Variants in SLC39A14 observed in about 807,000 individuals in gnomAD.
SLC39A14 encodes metal cation symporter ZIP14.
Under a neutral mutation model 45.5 loss-of-function variants are expected in SLC39A14, and 19 were observed. The observed-to-expected ratio is 0.42, with a 90% CI of 0.29 to 0.61. The LOEUF is 0.61. SLC39A14 is among the 20% of genes least tolerant of loss of function. The pLI is 0.22. For missense variants in SLC39A14, 447 were observed against 616.5 expected, an observed-to-expected ratio of 0.73 and a Z score of 2.91; for synonymous variants, 264 against 251.3, an observed-to-expected ratio of 1.05 and a Z score of -0.48.
intron 8 of SLC39A14, among the ~76,000 whole-genome samples, chr8:22,418,059 C>T (rs1312753126): frequency 2.0e-5 from 3 of 152,070 alleles, no homozygotes; most frequent in Admixed American, 6.6e-5. Flanking sequence ...TGTGCCACCA[C>T]GCCTGGCTAA....
At chr8:22,399,789 T>C (rs4871996) in intron 1 of SLC39A14, among the ~76,000 whole-genome samples, 30,458 of 152,228 alleles carry the variant, frequency 0.2, 3,442 homozygotes, top group African/African-American at 0.31. Context: ...TCGTAGATGC[T>C]CACCTCTAGG....
At chr8:22,383,278 C>G (rs1463398242) in intron 1 of SLC39A14, among the ~76,000 whole-genome samples, 1 of 152,116 alleles carries the variant, frequency 6.6e-6, no homozygotes, top group Non-Finnish European at 1.5e-5. Context: ...CCCTTCTGAT[C>G]CTTTTCTTTG....
intron 1 of SLC39A14, among the ~76,000 whole-genome samples, chr8:22,386,551 G>A (rs1586663997): frequency 6.6e-6 from 1 of 152,234 alleles, no homozygotes; most frequent in Non-Finnish European, 1.5e-5. Context: ...ACAGGCGTAA[G>A]CCACCGTGCC....
intron 3 of SLC39A14, chr8:22,410,193 G>A: frequency 2.0e-6 from 3 of 1,477,972 alleles, no homozygotes; most frequent in Non-Finnish European, 2.8e-6. Flanking sequence ...CCCCTACCCT[G>A]GGCTCCAAGG....
At chr8:22,409,767 G>A (rs1835458259) in intron 3 of SLC39A14, among the ~76,000 whole-genome samples, 1 of 152,184 alleles carries the variant, frequency 6.6e-6, no homozygotes, top group African/African-American at 2.4e-5. Flanking sequence ...AATTTTGATA[G>A]TTTCCCTAGG....
At chr8:22,405,288 G>A (rs2132311974) in intron 2 of SLC39A14, among the ~76,000 whole-genome samples, 1 of 152,304 alleles carries the variant, frequency 6.6e-6, no homozygotes, top group African/African-American at 2.4e-5. Context: ...CAAGGCGGGT[G>A]GATTATCTGA....
chr8:22,370,188 G>T (rs904622344), intron 1 of SLC39A14, among the ~76,000 whole-genome samples: 2 of 152,096 alleles, frequency 1.3e-5, no homozygotes, highest in Admixed American at 6.5e-5. Flanking sequence ...ATGTGCGTGT[G>T]CGTGTGTGTA....
chr8:22,404,165 T>G (rs1186000585), intron 1 of SLC39A14, among the ~76,000 whole-genome samples: 1 of 152,136 alleles, frequency 6.6e-6, no homozygotes, highest in Non-Finnish European at 1.5e-5. Context: ...GGCTCACGCC[T>G]GTAATTCCAG....
chr8:22,416,064 T>C lies in SLC39A14; in HGVS notation c.940-9T>C, dbSNP rs1380508908. 6.2e-7 allele frequency: 1 copy of C among 1,613,694 alleles called. No homozygotes were observed. The highest frequency in any genetic ancestry group is 1.1e-5 in the South Asian group (1 of 91,074). ...ACGCTGTGGGCCCTGGGGGTGTGCT[T>C]TCTCCTAGGACCTGCAGGCTTCCCA... is the stretch of plus-strand genomic sequence containing the variant. On this transcript the variant is annotated splice_polypyrimidine_tract_variant and intron_variant, in intron 6 of 8. Transcript: ENST00000381237.
chr8:22,412,383 A>G (rs547268599), intron 4 of SLC39A14, among the ~76,000 whole-genome samples, 177 bp downstream of exon 4: 58 of 152,358 alleles, frequency 3.8e-4, no homozygotes, highest in Admixed American at 3.8e-3. Flanking sequence ...AGCTGGGTTC[A>G]AATCTCAGCT....
intron 1 of SLC39A14, among the ~76,000 whole-genome samples, chr8:22,384,744 T>TAAAAA: frequency 8.5e-6 from 1 of 117,290 alleles, no homozygotes; most frequent in South Asian, 2.9e-4. Context: ...GAGACTGTCT[T>TAAAAA]AAAAAAAAAA....
At chr8:22,378,539 T>G (rs1304018172) in intron 1 of SLC39A14, among the ~76,000 whole-genome samples, 1 of 152,154 alleles carries the variant, frequency 6.6e-6, no homozygotes, top group Non-Finnish European at 1.5e-5. Flanking sequence ...GGCCCCCATA[T>G]TTCCTTTCCA....
chr8:22,378,256 TG>T (rs1446968115), intron 1 of SLC39A14, among the ~76,000 whole-genome samples: 1 of 152,168 alleles, frequency 6.6e-6, no homozygotes, highest in Non-Finnish European at 1.5e-5. Context: ...CAGGCAAGTG[TG>T]TTAGTATGAC....
At chr8:22,408,275 G>C (rs1413000818) in intron 2 of SLC39A14, 35 bp from the exon 3 acceptor site, 2 of 1,595,642 alleles carry the variant, frequency 1.3e-6, no homozygotes, top group Non-Finnish European at 1.7e-6. Context: ...TGACCTTTGG[G>C]GTCTAAGCGG....
intron 1 of SLC39A14, among the ~76,000 whole-genome samples, chr8:22,383,637 C>CATGCAGGGAGG: frequency 1.3e-5 from 2 of 152,066 alleles, no homozygotes; most frequent in Non-Finnish European, 2.9e-5. Context: ...GCCGTGCTGG[C>CATGCAGGGAGG]CTGCAGGGAG....
rs888460265 is a variant in SLC39A14, at chr8:22,421,565, A to G, written c.*1867A>G. 14 of 985,156 alleles carry G rather than the reference A, an allele frequency of 1.4e-5. No homozygotes were observed. Among genetic ancestry groups the G allele is most frequent in the Non-Finnish European group, 9.6e-6 (8 of 829,456 alleles). 61.0% of individuals were successfully genotyped at this position (985,156 alleles called of 1,614,324 possible). On this transcript the variant is annotated 3_prime_UTR_variant, in exon 9 of 9. Transcript: ENST00000381237. ...TTGGAATCTAACTTTTTATATTGTC[A>G]TTATTATTGTTGTTTTTAAACGGTT...
chr8:22,371,414 C>CTTTTTTTTTTTTTTTTTT, intron 1 of SLC39A14, among the ~76,000 whole-genome samples: 1 of 120,052 alleles, frequency 8.3e-6, no homozygotes, highest in Non-Finnish European at 2.0e-5. Context: ...AAATACATGT[C>CTTTTTTTTTTTTTTTTTT]TTTTTTTTTT....
intron 2 of SLC39A14, among the ~76,000 whole-genome samples, 198 bp from the exon 3 acceptor site, chr8:22,408,112 T>C (rs1252953769): frequency 6.6e-6 from 1 of 152,224 alleles, no homozygotes; most frequent in East Asian, 1.9e-4. Flanking sequence ...GGCTGAGCCA[T>C]AAGGATTAGT....
chr8:22,414,736 GC>G (rs764993292), intron 4 of SLC39A14, 43 bp from the exon 5 acceptor site: 2 of 1,576,764 alleles, frequency 1.3e-6, no homozygotes, highest in Middle Eastern at 2.3e-4. Flanking sequence ...CAGTAAAGAT[GC>G]TTTATTTTCT....
Sources: allele counts gnomAD v4.1 joint callset (sites outside exome capture counted in the v4.1 genomes callset), GRCh38; gene constraint gnomAD v4.1.1; transcripts MANE v1.5; gene names NCBI Gene and HGNC (gene_info 2026-07-23, HGNC 2026-07-21).